The following RABGGTA variants were observed in gnomAD, a reference collection of about 807,000 sequenced individuals.
RABGGTA encodes geranylgeranyl transferase type-2 subunit alpha.
A neutral mutation model predicts 83.3 loss-of-function variants in RABGGTA; 69 were observed. The observed-to-expected ratio is 0.83, with a 90% CI of 0.68 to 1.01. RABGGTA has a LOEUF of 1.01. RABGGTA is among the 50% of genes least tolerant of loss of function. RABGGTA has a pLI of 0.00. For missense variants in RABGGTA, 681 were observed against 712.7 expected (o/e 0.96, Z 0.51); for synonymous variants, 310 against 299.8 (o/e 1.03, Z -0.35).
At position 24,269,913 on chromosome 14, in the gene RABGGTA, G is replaced by C. The variant is rs117116871; in HGVS notation, c.427+40C>G. The C allele has an allele frequency of 5.4e-4, 860 of 1,600,956 alleles. 1 individual carries two copies. Among genetic ancestry groups the C allele is most frequent in the Non-Finnish European group, 7.1e-4 (836 of 1,173,668 alleles). On this transcript the variant is annotated intron_variant, in intron 5 of 16. Coordinates refer to ENST00000216840, the MANE Select transcript of RABGGTA (RefSeq NM_182836.3). Reference sequence around the variant, plus strand: ...CTGAGGCCCCAGTACCAGAATGTGGGCAGGTGAGGGCTGTGGGGACAGAAT... The same window carrying C: ...CTGAGGCCCCAGTACCAGAATGTGGCCAGGTGAGGGCTGTGGGGACAGAAT...
In RABGGTA at chr14:24,270,908, C is replaced by T; in HGVS notation, c.43G>A (p.Glu15Lys). Residue 15 changes from glutamate to lysine, a missense_variant, in exon 3 of 17, where the codon GAG becomes AAG. Physicochemically the swap from Glu to Lys is moderately conservative, Grantham distance 56. Coordinates refer to ENST00000216840, the MANE Select transcript of RABGGTA (RefSeq NM_182836.3). ...LKVKTSEEQAEAKRLEREQKL... is the reference protein window; with the variant it reads ...LKVKTSEEQAKAKRLEREQKL... ...TGCTCTCGCTCTAGCCTTTTGGCCT[C>T]CGCCTGCTCTTCTGACGTCTTCACC... 1 of 1,614,018 alleles carries T rather than the reference C, an allele frequency of 6.2e-7. No individual in the cohort carries two copies. The highest frequency in any genetic ancestry group is 1.1e-5 in the South Asian group (1 of 91,066).
rs1422029471 is a variant in RABGGTA at position 24,267,905 on chromosome 14, C to T, written c.1201G>A (p.Glu401Lys). Residue 401 changes from glutamate to lysine, a missense_variant, in exon 13 of 17, where the codon GAG (glutamate) becomes AAG (lysine). This residue lies in a region of RABGGTA where 421 missense variants were observed against 418.5 expected (regional missense o/e 1.01). Coordinates refer to ENST00000216840, the MANE Select transcript of RABGGTA (RefSeq NM_182836.3). ...LMRALDPLLYEKETLQYFQTL... is the reference protein window; with the variant it reads ...LMRALDPLLYKKETLQYFQTL... ...TGGAAGTACTGCAGGGTCTCCTTCT[C>T]ATACAGCAGGGGGTCCAGTGCCCGC... 5 of 1,613,794 alleles carry T rather than the reference C, an allele frequency of 3.1e-6. No individual in the cohort carries two copies.
At chr14:24,266,970 C>A (rs2139037118) in intron 14 of RABGGTA, 81 bp from the exon 15 acceptor site, 1 of 1,055,432 alleles carries the variant, frequency 9.5e-7, no homozygotes, top group Non-Finnish European at 1.5e-6. Flanking sequence ...TTATTAGGCA[C>A]ATGCCCTCTG....
rs748294692 is a variant in RABGGTA at position 24,270,962 on chromosome 14, G to A, written c.4-15C>T. 3 of 1,612,600 alleles carry A rather than the reference G, an allele frequency of 1.9e-6. No homozygotes were observed. The highest frequency in any genetic ancestry group is 2.7e-5 in the African/African-American group (2 of 74,930). ...AGGCGTCCGTGCTACAAGGATGAAC[G>A]GGTTGGAAGAGTGCAGGTTGCCTTG... On this transcript the variant is annotated splice_polypyrimidine_tract_variant and intron_variant, in intron 2 of 16. Transcript: ENST00000216840.
chr14:24,269,594 G>A lies in RABGGTA; in HGVS notation c.528C>T (p.Ser176=). ...FTDSLITRNF[S]NYSSWHYRSC... ...AGCGGTAATGCCAGGAAGAGTAGTT[G>A]GAGAAGTTTCGGGTGATGAGGCTGT... Residue 176 remains serine, a synonymous_variant, in exon 6 of 17, where the codon TCC becomes TCT. Transcript: ENST00000216840. 6.2e-7 allele frequency: 1 copy of A among 1,613,238 alleles called. No homozygotes were observed. Among genetic ancestry groups the A allele is most frequent in the Non-Finnish European group, 8.5e-7 (1 of 1,179,160 alleles).
rs1222320889 is a variant in RABGGTA, at chr14:24,271,257, A to C, written c.-54-88T>G. 3.6e-6 allele frequency: 4 copies of C among 1,111,128 alleles called. No individual in the cohort carries two copies. In the East Asian group the frequency reaches 1.0e-4, roughly 29 times the overall value. The allele number at this position is 1,111,128 out of a possible 1,614,324, so 68.8% of individuals were successfully genotyped here. A position where few individuals can be genotyped will look rare whatever the true frequency, so the allele number is the denominator to read the frequency against. On this transcript the variant is annotated intron_variant, in intron 1 of 16. Coordinates refer to ENST00000216840, the MANE Select transcript of RABGGTA (RefSeq NM_182836.3). ...GGAAGCAGCAAGCGTGCCTGGGCAGAGACCCCCAGAGTGTAAAGAGGTCCT... is the reference window on the plus strand; with the variant it reads ...GGAAGCAGCAAGCGTGCCTGGGCAGCGACCCCCAGAGTGTAAAGAGGTCCT...
In RABGGTA at chr14:24,268,914, G is replaced by A. The variant is rs2040908120; in HGVS notation, c.795C>T (p.Leu265=). The change falls in exon 8 of 17, where the codon CTC becomes CTT. Residue 265 remains leucine, a synonymous_variant. Transcript: ENST00000216840. ...TGACAAAAGCTGCAGGACTCACTAA[G>A]AGGGGCCGAGAGAAGGAGACAGTCA... is the stretch of plus-strand genomic sequence containing the variant. ...ACLTVSFSRP[L]LVGSRMEILL... is the part of the protein sequence containing the mutation. 11 of 1,582,590 alleles carry A rather than the reference G, an allele frequency of 7.0e-6. No homozygotes were observed. The highest frequency in any genetic ancestry group is 8.6e-6 in the Non-Finnish European group (10 of 1,163,758).
chr14:24,269,224 C>T (rs932885421), intron 6 of RABGGTA, 61 bp from the exon 7 acceptor site: 2 of 1,447,946 alleles, frequency 1.4e-6, no homozygotes, highest in Admixed American at 1.9e-5. Flanking sequence ...CTGGCCACTC[C>T]AACACCCTAC....
At chr14:24,269,233 ACC>A in intron 6 of RABGGTA, 70 bp from the exon 7 acceptor site, 1 of 1,399,994 alleles carries the variant, frequency 7.1e-7, no homozygotes, top group Non-Finnish European at 9.9e-7. Context: ...CCAACACCCT[ACC>A]CTCTCCTTGG....
In RABGGTA at chr14:24,269,677, G is replaced by A. The variant is rs756382018; in HGVS notation, c.445C>T (p.Arg149Trp). ...DERNFHCWDY[R>W]RFVATQAAVP... is the part of the protein sequence containing the mutation. ...GCTGCCTGTGTGGCCACAAACCGCC[G>A]ATAGTCCCAGCAGTGAACTGGAGGG... Residue 149 changes from arginine to tryptophan, a missense_variant, in exon 6 of 17, where the codon CGG becomes TGG. By Grantham distance (101) the Arg-to-Trp change is moderately radical (BLOSUM62 -3). Transcript: ENST00000216840. The A allele has an allele frequency of 5.6e-6, 9 of 1,613,932 alleles. No individual in the cohort carries two copies. Among genetic ancestry groups the A allele is most frequent in the South Asian group, 3.3e-5 (3 of 91,084 alleles).
chr14:24,270,198 C>T (rs2040929708), intron 4 of RABGGTA, 58 bp from the exon 5 acceptor site: 2 of 1,559,186 alleles, frequency 1.3e-6, no homozygotes, highest in Admixed American at 1.9e-5. Flanking sequence ...CTCAGCTCAC[C>T]CCTCACTTTC....
In RABGGTA at chr14:24,270,466, G is replaced by A; in HGVS notation, c.115-8C>T. The A allele has an allele frequency of 1.2e-6, 2 of 1,614,010 alleles. No individual in the cohort carries two copies. Among genetic ancestry groups the A allele is most frequent in the Non-Finnish European group, 1.7e-6 (2 of 1,179,856 alleles). Reference sequence around the variant, plus strand: ...CAGCTCACCAGCCTGGCGCTAAGAAGATAGGTGGCAGGGTTAGAGATCATA... The same window carrying A: ...CAGCTCACCAGCCTGGCGCTAAGAAAATAGGTGGCAGGGTTAGAGATCATA... On this transcript the variant is annotated splice_polypyrimidine_tract_variant and splice_region_variant and intron_variant, in intron 3 of 16. Coordinates refer to ENST00000216840, the MANE Select transcript of RABGGTA (RefSeq NM_182836.3).
Position 24,270,449 on chromosome 14 carries a change from C to G in RABGGTA, c.124G>C (p.Gly42Arg), listed in dbSNP as rs751310952. The G allele has an allele frequency of 6.2e-7, 1 of 1,614,030 alleles. No individual in the cohort carries two copies. Among genetic ancestry groups the G allele is most frequent in the South Asian group, 1.1e-5 (1 of 91,084 alleles). Residue 42 changes from glycine to arginine, a missense_variant, in exon 4 of 17, where the codon GGT (glycine) becomes CGT (arginine). Physicochemically the swap from Gly to Arg is moderately radical, Grantham distance 125. Around this residue, in one of 5 missense-constraint regions of RABGGTA, gnomAD observed 115 missense variants for 111.5 expected, o/e 1.03. Coordinates refer to ENST00000216840, the MANE Select transcript of RABGGTA (RefSeq NM_182836.3). ...TQAVFQKRQA[G>R]ELDESVLELT... ...TCCAGCACGGACTCATCCAGCTCAC[C>G]AGCCTGGCGCTAAGAAGATAGGTGG...
At position 24,270,344 on chromosome 14, in the gene RABGGTA, C is replaced by T. The variant is rs758174290; in HGVS notation, c.229G>A (p.Glu77Lys). ...TGAATCCCTACGCACTTCTGAGTCT[C>T]CAGCTGCTGGAGCACCTCTCGTCGG... ...NCRREVLQQL[E>K]TQKSPEELAA... The change falls in exon 4 of 17, where the codon GAG becomes AAG. Residue 77 changes from glutamate to lysine, a missense_variant. Around this residue, in one of 5 missense-constraint regions of RABGGTA, gnomAD observed 115 missense variants for 111.5 expected, o/e 1.03. Transcript: ENST00000216840. 15 of 1,611,590 alleles carry T rather than the reference C, an allele frequency of 9.3e-6. No homozygotes were observed. Among genetic ancestry groups the T allele is most frequent in the Non-Finnish European group, 1.2e-5 (14 of 1,178,732 alleles).
At position 24,267,720 on chromosome 14, in the gene RABGGTA, C is replaced by T; in HGVS notation, c.1293G>A (p.Leu431=). ...YLDDLRSKFL[L]ENSVLKMEYA... is the part of the protein sequence containing the mutation. Reference sequence around the variant, plus strand: ...ACTCCATCTTGAGCACGCTATTCTCCAGCAAGAACTTGCTGCGCAGGTCAT... The same window carrying T: ...ACTCCATCTTGAGCACGCTATTCTCTAGCAAGAACTTGCTGCGCAGGTCAT... The change falls in exon 14 of 17, where the codon CTG becomes CTA. Residue 431 remains leucine (L), a synonymous_variant. Transcript: ENST00000216840. 6.2e-7 allele frequency: 1 copy of T among 1,612,080 alleles called. No homozygotes were observed. Among genetic ancestry groups the T allele is most frequent in the Non-Finnish European group, 8.5e-7 (1 of 1,179,852 alleles).
intron 3 of RABGGTA, 77 bp downstream of exon 3, chr14:24,270,760 C>A: frequency 6.5e-7 from 1 of 1,543,902 alleles, no homozygotes; most frequent in Non-Finnish European, 8.8e-7. Flanking sequence ...GGCAGTCTGA[C>A]TCTAGGGACC....
Position 24,269,691 on chromosome 14 carries a change from T to A in RABGGTA, c.431A>T (p.His144Leu). ...RFLEVDERNFHCWDYRRFVAT... is the reference protein window; with the variant it reads ...RFLEVDERNFLCWDYRRFVAT... ...CACAAACCGCCGATAGTCCCAGCAGTGAACTGGAGGGGAGAGGTGACAGCA... is the reference window on the plus strand; with the variant it reads ...CACAAACCGCCGATAGTCCCAGCAGAGAACTGGAGGGGAGAGGTGACAGCA... The change falls in exon 6 of 17, where the codon CAC becomes CTC. Residue 144 changes from histidine (H) to leucine (L), a missense_variant. Physicochemically the swap from His to Leu is moderately conservative, Grantham distance 99 (BLOSUM62 -3). Around this residue, in one of 5 missense-constraint regions of RABGGTA, gnomAD observed 122 missense variants for 118.9 expected, o/e 1.03. Coordinates refer to ENST00000216840, the MANE Select transcript of RABGGTA (RefSeq NM_182836.3). 1 of 1,613,638 alleles carries A rather than the reference T, an allele frequency of 6.2e-7. No homozygotes were observed. The highest frequency in any genetic ancestry group is 8.5e-7 in the Non-Finnish European group (1 of 1,179,706).
intron 3 of RABGGTA, 118 bp downstream of exon 3, chr14:24,270,719 T>C (rs2040936939): frequency 2.1e-6 from 3 of 1,417,282 alleles, no homozygotes; most frequent in Non-Finnish European, 2.9e-6. Context: ...AGTCATACAG[T>C]TATAAGTGAG....
At position 24,270,475 on chromosome 14, in the gene RABGGTA, C is replaced by T. The variant is rs2040933727; in HGVS notation, c.115-17G>A. ...AGCCTGGCGCTAAGAAGATAGGTGG[C>T]AGGGTTAGAGATCATATAATTTTCC... On this transcript the variant is annotated splice_polypyrimidine_tract_variant and intron_variant, in intron 3 of 16. Transcript: ENST00000216840. The T allele has an allele frequency of 5.0e-6, 8 of 1,613,830 alleles. No individual in the cohort carries two copies. The highest frequency in any genetic ancestry group is 5.9e-6 in the Non-Finnish European group (7 of 1,179,738).
Sources: gnomAD v4.1 joint callset for allele counts on GRCh38, gnomAD v4.1.1 for gene constraint, gnomAD v4.1.1 regional missense constraint, MANE v1.5 for transcripts, NCBI Gene and HGNC (gene_info 2026-07-23, HGNC 2026-07-21) for gene names.